The following ST3GAL3 variants were observed in gnomAD, a reference collection of about 807,000 sequenced individuals.
ST3GAL3 encodes the protein CMP-N-acetylneuraminate-beta-1,4-galactoside alpha-2,3-sialyltransferase.
In ST3GAL3, 21 loss-of-function variants were observed where a neutral mutation model predicts 50.1. The ratio of observed to expected loss-of-function variants is 0.42; its 90% CI spans 0.30 to 0.60. The LOEUF (loss-of-function observed/expected upper bound fraction) is 0.60, where lower values mean the gene tolerates loss of function less well. ST3GAL3 is among the 20% of genes least tolerant of loss of function. The pLI is 0.19. For missense variants in ST3GAL3, 353 were observed against 489.4 expected (o/e 0.72, Z 2.63); for synonymous variants, 183 against 190.0 (o/e 0.96, Z 0.30).
chr1:43,858,186 C>T (rs1265728445), intron 5 of ST3GAL3: 2 of 1,289,274 alleles, frequency 1.6e-6, no homozygotes, highest in Non-Finnish European at 2.0e-6. Flanking sequence ...CATATGTGCT[C>T]CGCCAGAGGT....
intron 6 of ST3GAL3, among the ~76,000 whole-genome samples, chr1:43,895,372 A>G (rs776082497): frequency 2.0e-5 from 3 of 152,158 alleles, no homozygotes; most frequent in African/African-American, 4.8e-5. Flanking sequence ...TAGTTGAACA[A>G]TTCTGCTTCT....
intron 1 of ST3GAL3, among the ~76,000 whole-genome samples, chr1:43,715,354 A>T (rs576276253): frequency 7.2e-5 from 11 of 152,146 alleles, no homozygotes; most frequent in Non-Finnish European, 1.5e-4. Flanking sequence ...TAGGGGGATC[A>T]CTTGAGCTCA....
chr1:43,910,936 G>C (rs571599284), intron 9 of ST3GAL3, among the ~76,000 whole-genome samples: 38 of 152,224 alleles, frequency 2.5e-4, no homozygotes, highest in African/African-American at 9.1e-4. Context: ...CCCACCCCAG[G>C]TCCATCTGCC....
intron 2 of ST3GAL3, among the ~76,000 whole-genome samples, chr1:43,755,825 T>C (rs1687832892): frequency 6.6e-6 from 1 of 152,044 alleles, no homozygotes; most frequent in Non-Finnish European, 1.5e-5. Context: ...AAATTAAAAA[T>C]ATTGGCCAAG....
intron 4 of ST3GAL3, among the ~76,000 whole-genome samples, chr1:43,833,751 A>G (rs1481443234): frequency 2.0e-5 from 3 of 152,184 alleles, no homozygotes; most frequent in Non-Finnish European, 4.4e-5. Context: ...CAAGTGAGCA[A>G]GTGAAGATGA....
At chr1:43,744,906 G>T (rs148683135) in intron 2 of ST3GAL3, among the ~76,000 whole-genome samples, 1 of 151,664 alleles carries the variant, frequency 6.6e-6, no homozygotes, top group Non-Finnish European at 1.5e-5. Context: ...CCTGAGAATC[G>T]CTTGAACTCG....
chr1:43,909,541 C>T (rs1293373110), intron 9 of ST3GAL3, among the ~76,000 whole-genome samples: 1 of 152,184 alleles, frequency 6.6e-6, no homozygotes, highest in Non-Finnish European at 1.5e-5. Context: ...CTGACCCTCT[C>T]CTCATAGCAC....
At chr1:43,901,561 A>G (rs1338985458) in intron 9 of ST3GAL3, among the ~76,000 whole-genome samples, 1 of 152,264 alleles carries the variant, frequency 6.6e-6, no homozygotes, top group Non-Finnish European at 1.5e-5. Context: ...GAAGCCAGCT[A>G]GAGTCGGAGA....
At chr1:43,759,063 GCGCA>G (rs59565190) in intron 2 of ST3GAL3, among the ~76,000 whole-genome samples, 5,883 of 132,280 alleles carry the variant, frequency 0.044, 370 homozygotes, top group African/African-American at 0.18. Flanking sequence ...ACAAAAGCGC[GCGCA>G]CACACACACA....
chr1:43,809,917 C>T (rs746639293), intron 3 of ST3GAL3, among the ~76,000 whole-genome samples: 9 of 149,434 alleles, frequency 6.0e-5, no homozygotes, highest in Non-Finnish European at 8.9e-5. Flanking sequence ...CTATTGAACC[C>T]GGGAGGTGGA....
intron 11 of ST3GAL3, among the ~76,000 whole-genome samples, chr1:43,927,051 C>T (rs1042953292): frequency 1.3e-5 from 2 of 152,188 alleles, no homozygotes; most frequent in South Asian, 2.1e-4. Context: ...TCATTCAGGC[C>T]GGGCGTGGTG....
intron 2 of ST3GAL3, among the ~76,000 whole-genome samples, chr1:43,760,368 C>T (rs934277921): frequency 3.3e-5 from 5 of 152,322 alleles, no homozygotes; most frequent in Admixed American, 2.6e-4. Flanking sequence ...TATTTTATAA[C>T]GAATGTGAAA....
intron 2 of ST3GAL3, among the ~76,000 whole-genome samples, chr1:43,782,228 T>G (rs548153912): frequency 6.6e-6 from 1 of 152,318 alleles, no homozygotes; most frequent in Admixed American, 6.5e-5. Flanking sequence ...GTATTTTCTC[T>G]TAGTCCTCAC....
At chr1:43,754,466 A>G (rs1687319754) in intron 2 of ST3GAL3, among the ~76,000 whole-genome samples, 1 of 152,182 alleles carries the variant, frequency 6.6e-6, no homozygotes, top group Non-Finnish European at 1.5e-5. Context: ...TGCTGGGATT[A>G]CAGGCATGAG....
rs562026085 is a variant in ST3GAL3 at position 43,829,797 on chromosome 1, G to A, written c.210-8422G>A. ...CCATACCTTGTATATAATAGTGGTC[G>A]TACTTATACCCAAAGGTAATCTTTT... is the stretch of plus-strand genomic sequence containing the variant. On this transcript the variant is annotated intron_variant, in intron 4 of 11. Transcript: ENST00000347631. 1.6e-4 allele frequency among the ~76,000 whole-genome samples: 24 copies of A among 151,964 alleles called. No individual in the cohort carries two copies. In the South Asian group the frequency reaches 2.9e-3, roughly 18 times the overall value.
intron 1 of ST3GAL3, among the ~76,000 whole-genome samples, chr1:43,728,622 G>A (rs1013848282): frequency 2.0e-5 from 3 of 152,146 alleles, no homozygotes; most frequent in Non-Finnish European, 4.4e-5. Context: ...GTGGTGACAC[G>A]TGCCTATGGT....
intron 9 of ST3GAL3, among the ~76,000 whole-genome samples, chr1:43,904,985 A>C (rs1189996287): frequency 7.7e-3 from 138 of 17,870 alleles, no homozygotes; most frequent in Admixed American, 0.011. Flanking sequence ...TCTTCCCACC[A>C]CTCTTCCCCC....
At chr1:43,833,544 G>A (rs77810956) in intron 4 of ST3GAL3, among the ~76,000 whole-genome samples, 10,106 of 152,086 alleles carry the variant, frequency 0.066, 361 homozygotes, top group East Asian at 0.14. Flanking sequence ...ATTTTATAAA[G>A]TAAGTACTAG....
chr1:43,841,314 T>A (rs907708368), intron 5 of ST3GAL3: 2 of 152,234 alleles, frequency 1.3e-5, no homozygotes, highest in Non-Finnish European at 2.9e-5. Flanking sequence ...CCCTCCACAC[T>A]GCCCTAGTAG....
Sources: gnomAD v4.1 joint callset for allele counts (sites outside exome capture counted in the v4.1 genomes callset) on GRCh38, gnomAD v4.1.1 for gene constraint, MANE v1.5 for transcripts, NCBI Gene and HGNC (gene_info 2026-07-23, HGNC 2026-07-21) for gene names.